SORCS1: variants seen among roughly 807,000 people sequenced by gnomAD.
SORCS1 encodes VPS10 domain-containing receptor SorCS1.
A neutral mutation model predicts 146.1 loss-of-function variants in SORCS1; 60 were observed. The observed-to-expected ratio is 0.41, with a 90% CI of 0.33 to 0.51. SORCS1 has a LOEUF of 0.51. Ranked by LOEUF, SORCS1 falls within the 20% of genes least tolerant of loss-of-function variation. SORCS1 has a pLI of 0.21. For synonymous variants in SORCS1, 637 were observed against 584.0 expected (o/e 1.09, Z -1.31); for missense variants, 1,352 against 1,487.6 (o/e 0.91, Z 1.50).
chr10:107,157,273 T>G (rs1969359685), intron 1 of SORCS1, among the ~76,000 whole-genome samples: 1 of 152,196 alleles, frequency 6.6e-6, no homozygotes, highest in Non-Finnish European at 1.5e-5. Flanking sequence ...ACCACAAGGC[T>G]AGGGTGCAGC....
At chr10:106,990,498 G>A (rs1287025256) in intron 1 of SORCS1, among the ~76,000 whole-genome samples, 2 of 151,972 alleles carry the variant, frequency 1.3e-5, no homozygotes, top group Non-Finnish European at 2.9e-5. Context: ...TCGAACTCCT[G>A]ACCTCAAGTG....
At chr10:106,699,936 C>T (rs1333012829) in intron 8 of SORCS1, among the ~76,000 whole-genome samples, 1 of 152,118 alleles carries the variant, frequency 6.6e-6, no homozygotes, top group South Asian at 2.1e-4. Context: ...AATTACCATG[C>T]ATATTAAAGT....
chr10:106,673,448 G>A (rs1005267671), intron 14 of SORCS1, among the ~76,000 whole-genome samples: 2 of 152,004 alleles, frequency 1.3e-5, no homozygotes, highest in Non-Finnish European at 2.9e-5. Flanking sequence ...TACTATTACT[G>A]GATCCACTTC....
chr10:107,135,306 G>T (rs1012196856), intron 1 of SORCS1, among the ~76,000 whole-genome samples: 4 of 152,136 alleles, frequency 2.6e-5, no homozygotes, highest in African/African-American at 7.2e-5. Context: ...TTCCCAGATG[G>T]CACTGAGCAC....
At chr10:106,921,048 T>C (rs1026440294) in intron 2 of SORCS1, among the ~76,000 whole-genome samples, 1 of 152,190 alleles carries the variant, frequency 6.6e-6, no homozygotes, top group African/African-American at 2.4e-5. Flanking sequence ...GCTCATCGTC[T>C]TGCAGGTGGT....
chr10:107,016,394 T>C (rs1474840413), intron 1 of SORCS1, among the ~76,000 whole-genome samples: 2 of 152,092 alleles, frequency 1.3e-5, no homozygotes, highest in East Asian at 3.9e-4. Context: ...ATCCCAACTA[T>C]TCGGGGATGC....
chr10:107,027,896 A>AGG, intron 1 of SORCS1, among the ~76,000 whole-genome samples: 1 of 152,322 alleles, frequency 6.6e-6, no homozygotes, highest in East Asian at 1.9e-4. Flanking sequence ...GAATGTGAAC[A>AGG]CCTTGATGGG....
At chr10:106,761,551 C>A in intron 5 of SORCS1, 37 bp downstream of exon 5, 1 of 1,564,056 alleles carries the variant, frequency 6.4e-7, no homozygotes, top group South Asian at 1.1e-5. Flanking sequence ...CTGACTAGGT[C>A]ATATCTTAAT....
intron 1 of SORCS1, among the ~76,000 whole-genome samples, chr10:107,076,417 T>G (rs1035120402): frequency 6.6e-6 from 1 of 152,172 alleles, no homozygotes; most frequent in African/African-American, 2.4e-5. Flanking sequence ...TTTACAGCAC[T>G]GGTATTTCTC....
chr10:107,104,477 C>A (rs1965166556), intron 1 of SORCS1, among the ~76,000 whole-genome samples: 1 of 152,194 alleles, frequency 6.6e-6, no homozygotes. Flanking sequence ...AGACCAGTCA[C>A]CTCTCACCTC....
chr10:107,096,934 C>G (rs1489460808), intron 1 of SORCS1, among the ~76,000 whole-genome samples: 1 of 152,194 alleles, frequency 6.6e-6, no homozygotes. Context: ...CTCATTTCCC[C>G]CATTCACTTC....
At chr10:106,597,602 G>T in intron 23 of SORCS1, 152 bp from the exon 24 acceptor site, 2 of 589,836 alleles carry the variant, frequency 3.4e-6, no homozygotes, top group Non-Finnish European at 2.9e-6. Context: ...TTTAATTCCA[G>T]AATATGCAGA....
the SORCS1 span, among the ~76,000 whole-genome samples, chr10:107,173,184 TACTC>T: frequency 5.3e-4 from 81 of 152,314 alleles, no homozygotes; most frequent in African/African-American, 1.6e-3. Flanking sequence ...TTCTTGAACT[TACTC>T]AATTAAATCA....
chr10:106,813,672 C>T (rs1311135534), intron 3 of SORCS1, among the ~76,000 whole-genome samples: 1 of 152,182 alleles, frequency 6.6e-6, no homozygotes, highest in African/African-American at 2.4e-5. Flanking sequence ...AGTGGGCTCA[C>T]GCCTGCAATC....
chr10:106,852,524 A>G (rs1949625657), intron 2 of SORCS1, among the ~76,000 whole-genome samples: 1 of 150,138 alleles, frequency 6.7e-6, no homozygotes, highest in Admixed American at 6.7e-5. Context: ...GCTACTCAAG[A>G]GGCTGAGGCA....
chr10:106,755,003 G>C (rs747278995), intron 5 of SORCS1, among the ~76,000 whole-genome samples: 39 of 152,124 alleles, frequency 2.6e-4, no homozygotes, highest in Non-Finnish European at 4.1e-4. Context: ...ATAATTAATA[G>C]GTTGCTGAAG....
In SORCS1 at chr10:106,944,874, C is replaced by CTTTTTTT. The variant is rs765355110; in HGVS notation, c.626+11632_626+11638dup. 7.9e-4 allele frequency among the ~76,000 whole-genome samples: 29 copies of CTTTTTTT among 36,596 alleles called. 3 individuals are homozygous for CTTTTTTT. The highest frequency in any genetic ancestry group is 3.0e-3 in the South Asian group (2 of 674). The allele number at this position is 36,596 out of a possible 152,430, so 24.0% of individuals were successfully genotyped here. A position where few individuals can be genotyped will look rare whatever the true frequency, so the allele number is the denominator to read the frequency against. On this transcript the variant is annotated intron_variant, in intron 2 of 25. Coordinates refer to ENST00000263054, the MANE Select transcript of SORCS1 (RefSeq NM_052918.5). Reference sequence around the variant, plus strand: ...GTAGAAAGAAGCAAGAAAGAGCCTTCTTTTTTTTTTTTTTTTTTTTTTTTT... The same window carrying CTTTTTTT: ...GTAGAAAGAAGCAAGAAAGAGCCTTCTTTTTTTTTTTTTTTTTTTTTTTTTTTTTTTT...
At chr10:107,167,503 TATC>T (rs1482381326), upstream of SORCS1, among the ~76,000 whole-genome samples, 3 of 152,168 alleles carry the variant, frequency 2.0e-5, no homozygotes, top group African/African-American at 7.2e-5. Context: ...TCATCTAAGT[TATC>T]ATCATTTCTC....
chr10:106,927,709 A>C (rs1953135860), intron 2 of SORCS1, among the ~76,000 whole-genome samples: 1 of 152,146 alleles, frequency 6.6e-6, no homozygotes. Flanking sequence ...CTAGATACAG[A>C]GTGTTGACAC....
Sources: gnomAD v4.1 joint callset for allele counts (sites outside exome capture counted in the v4.1 genomes callset) on GRCh38, gnomAD v4.1.1 for gene constraint, MANE v1.5 for transcripts, NCBI Gene and HGNC (gene_info 2026-07-23, HGNC 2026-07-21) for gene names.